Variants in ARPP21 observed in about 807,000 individuals in gnomAD.
ARPP21 encodes the protein cAMP regulated phosphoprotein 21.
ARPP21 carries 69 observed loss-of-function variants against 113.2 expected under a neutral mutation model. The observed-to-expected ratio is 0.61, with a 90% CI of 0.50 to 0.74. The LOEUF is 0.74. Among genes scored for constraint, ARPP21 ranks in the 30% least tolerant of loss-of-function variants. The pLI is 0.00. For synonymous variants in ARPP21, 368 were observed against 375.5 expected (o/e 0.98, Z 0.23); for missense variants, 1,070 against 1,037.4 (o/e 1.03, Z -0.43).
intron 9 of ARPP21, among the ~76,000 whole-genome samples, chr3:35,697,451 C>G (rs1038145522): frequency 6.6e-6 from 1 of 151,466 alleles, no homozygotes; most frequent in Non-Finnish European, 1.5e-5. Context: ...GTTGTATGTT[C>G]CAGAAAGGAT....
intron 14 of ARPP21, 109 bp from the exon 15 acceptor site, chr3:35,729,194 C>G: frequency 1.4e-6 from 1 of 721,716 alleles, no homozygotes; most frequent in Non-Finnish European, 2.4e-6. Context: ...CAGCATGCGT[C>G]TCAAATTCTT....
At chr3:35,645,524 T>C (rs1008733526) in intron 1 of ARPP21, among the ~76,000 whole-genome samples, 4 of 151,910 alleles carry the variant, frequency 2.6e-5, no homozygotes, top group Admixed American at 6.6e-5. Context: ...AGCTTTTTCA[T>C]TGAAAACAAA....
At chr3:35,772,495 G>T (rs1176458050) in intron 19 of ARPP21, among the ~76,000 whole-genome samples, 1 of 152,140 alleles carries the variant, frequency 6.6e-6, no homozygotes, top group African/African-American at 2.4e-5. Flanking sequence ...TATTCAGTTT[G>T]CTGAACAATT....
intron 19 of ARPP21, among the ~76,000 whole-genome samples, chr3:35,780,333 T>C (rs928483950): frequency 2.0e-5 from 3 of 152,160 alleles, no homozygotes; most frequent in African/African-American, 7.2e-5. Flanking sequence ...AAATAAGTAA[T>C]AAAATGCAAT....
intron 9 of ARPP21, 79 bp from the exon 10 acceptor site, chr3:35,706,895 G>C (rs1427245881): frequency 5.7e-6 from 6 of 1,058,574 alleles, no homozygotes; most frequent in Non-Finnish European, 7.0e-6. Context: ...ATGACACTGT[G>C]GGGGAAGAAC....
intron 7 of ARPP21, among the ~76,000 whole-genome samples, chr3:35,689,819 C>T (rs2081719514): frequency 6.6e-6 from 1 of 151,274 alleles, no homozygotes; most frequent in African/African-American, 2.4e-5. Context: ...CTTTGCATGC[C>T]ATAATTAACA....
chr3:35,674,193 T>C (rs2076968557), intron 1 of ARPP21, among the ~76,000 whole-genome samples: 1 of 151,962 alleles, frequency 6.6e-6, no homozygotes, highest in South Asian at 2.1e-4. Flanking sequence ...GAGGATCATT[T>C]CACGTTTTCA....
At chr3:35,765,954 G>A (rs984312497) in intron 19 of ARPP21, among the ~76,000 whole-genome samples, 1 of 152,074 alleles carries the variant, frequency 6.6e-6, no homozygotes, top group African/African-American at 2.4e-5. Flanking sequence ...GCAAGTGAGG[G>A]GCATTTAGTG....
At chr3:35,753,755 A>G (rs1367463019) in intron 19 of ARPP21, among the ~76,000 whole-genome samples, 1 of 152,022 alleles carries the variant, frequency 6.6e-6, no homozygotes, top group Admixed American at 6.6e-5. Context: ...TGTTTCTGAT[A>G]TAATAGCGAG....
At chr3:35,708,345 C>T (rs1471136037) in intron 10 of ARPP21, among the ~76,000 whole-genome samples, 1 of 152,164 alleles carries the variant, frequency 6.6e-6, no homozygotes, top group East Asian at 1.9e-4. Flanking sequence ...TTGGTATTGA[C>T]TCTTGTCAAC....
chr3:35,793,717 G>T lies in ARPP21; in HGVS notation c.2303G>T (p.Gly768Val), dbSNP rs2096793013. 1 of 1,613,712 alleles carries T rather than the reference G, an allele frequency of 6.2e-7. No homozygotes were observed. Among genetic ancestry groups the T allele is most frequent in the South Asian group, 1.1e-5 (1 of 91,072 alleles). Reference protein sequence around the residue: ...MSSYQVPMTQGSQGLPQQSYQ... With the variant: ...MSSYQVPMTQVSQGLPQQSYQ... ...TTTTTACAGGTGCCAATGACCCAGG[G>T]TTCTCAAGGACTGCCCCAGCAGTCA... Residue 768 changes from glycine to valine, a missense_variant, in exon 21 of 21, where the codon GGT becomes GTT. By Grantham distance (109) the Gly-to-Val change is moderately radical (BLOSUM62 -3). Transcript: ENST00000684406.
At chr3:35,711,177 C>G (rs74435134) in intron 11 of ARPP21, among the ~76,000 whole-genome samples, 2,474 of 152,204 alleles carry the variant, frequency 0.016, 75 homozygotes, top group African/African-American at 0.054. Flanking sequence ...GGAGGACCAG[C>G]CTGTTTCTAG....
At chr3:35,662,622 C>A (rs528168991) in intron 1 of ARPP21, among the ~76,000 whole-genome samples, 111 of 152,204 alleles carry the variant, frequency 7.3e-4, no homozygotes, top group Non-Finnish European at 1.3e-3. Flanking sequence ...TTCAGAGAGT[C>A]CCACAAAGGG....
upstream of ARPP21, chr3:35,639,514 G>C (rs1202795077): frequency 2.6e-5 from 4 of 152,552 alleles, no homozygotes; most frequent in Non-Finnish European, 4.4e-5. This position sits in a 1 kb window ranked among gnomAD's most constrained non-coding sequence, Gnocchi z 5.0. Flanking sequence ...GGCACGGACC[G>C]GCGGAGGGGC....
chr3:35,646,648 C>A (rs1027932476), intron 1 of ARPP21, among the ~76,000 whole-genome samples: 1 of 152,036 alleles, frequency 6.6e-6, no homozygotes, highest in Non-Finnish European at 1.5e-5. Context: ...GCCAATGTGG[C>A]ACATAGCTGT....
chr3:35,671,601 G>A (rs2076361614), intron 1 of ARPP21, among the ~76,000 whole-genome samples: 1 of 152,042 alleles, frequency 6.6e-6, no homozygotes, highest in Admixed American at 6.6e-5. Flanking sequence ...AGGCAGAGCA[G>A]GCACATGTGA....
intron 11 of ARPP21, among the ~76,000 whole-genome samples, chr3:35,709,490 A>G (rs571026537): frequency 7.2e-5 from 11 of 152,322 alleles, no homozygotes; most frequent in African/African-American, 2.4e-4. Flanking sequence ...ACACACATCC[A>G]TATACAACGA....
chr3:35,663,364 C>T (rs1268605364), intron 1 of ARPP21, among the ~76,000 whole-genome samples: 1 of 152,176 alleles, frequency 6.6e-6, no homozygotes, highest in Non-Finnish European at 1.5e-5. Flanking sequence ...TCTCTCCCAC[C>T]TGGACTGAAG....
intron 9 of ARPP21, among the ~76,000 whole-genome samples, chr3:35,702,348 G>A (rs2086746090): frequency 6.6e-6 from 1 of 151,568 alleles, no homozygotes. Context: ...GTGAATGATG[G>A]AACTCTGCAT....
Sources: gnomAD v4.1 joint callset for allele counts (sites outside exome capture counted in the v4.1 genomes callset) on GRCh38, gnomAD v4.1.1 for gene constraint, Gnocchi (gnomAD v3.1) non-coding constraint, MANE v1.5 for transcripts, NCBI Gene and HGNC (gene_info 2026-07-23, HGNC 2026-07-21) for gene names.